The following RGS7 variants were observed in gnomAD, a reference collection of about 807,000 sequenced individuals.
RGS7 encodes the protein regulator of G-protein signaling 7.
Under a neutral mutation model 81.1 loss-of-function variants are expected in RGS7, and 27 were observed. The observed-to-expected ratio is 0.33, with a 90% CI of 0.25 to 0.46. The LOEUF is 0.46. Ranked by LOEUF, RGS7 falls within the 20% of genes least tolerant of loss-of-function variation. The pLI is 1.00. For synonymous variants in RGS7, 208 were observed against 207.7 expected, an observed-to-expected ratio of 1.00 and a Z score of -0.01; for missense variants, 396 against 607.4, an observed-to-expected ratio of 0.65 and a Z score of 3.66.
intron 2 of RGS7, among the ~76,000 whole-genome samples, chr1:241,253,711 T>C (rs976878015): frequency 2.6e-5 from 4 of 152,222 alleles, no homozygotes; most frequent in Non-Finnish European, 5.9e-5. Flanking sequence ...TGCATGGGCT[T>C]GAGAACAATG....
At chr1:241,051,510 C>CT (rs1251698941) in intron 3 of RGS7, among the ~76,000 whole-genome samples, 1 of 152,090 alleles carries the variant, frequency 6.6e-6, no homozygotes, top group African/African-American at 2.4e-5. Flanking sequence ...TTTGCCTTGA[C>CT]TTCTTTATTT....
chr1:241,148,776 A>C (rs761331742), intron 2 of RGS7, among the ~76,000 whole-genome samples: 8 of 152,232 alleles, frequency 5.3e-5, no homozygotes, highest in Admixed American at 3.3e-4. Context: ...AGAATATACT[A>C]TTTGTCATAT....
chr1:241,039,831 G>A (rs1253387669), intron 3 of RGS7, among the ~76,000 whole-genome samples: 1 of 152,118 alleles, frequency 6.6e-6, no homozygotes, highest in South Asian at 2.1e-4. Context: ...TCTATGAATC[G>A]CCACTTGGAG....
intron 6 of RGS7, among the ~76,000 whole-genome samples, chr1:240,928,304 T>C (rs1344082475): frequency 6.6e-6 from 1 of 152,230 alleles, no homozygotes; most frequent in Non-Finnish European, 1.5e-5. Flanking sequence ...TTTTCTGCTC[T>C]GTTCTTTGGT....
chr1:240,884,044 C>T (rs1666897023), intron 6 of RGS7, among the ~76,000 whole-genome samples: 1 of 136,874 alleles, frequency 7.3e-6, no homozygotes, highest in South Asian at 2.4e-4. Context: ...CCATTGCACT[C>T]CAGCCTGGGC....
intron 4 of RGS7, among the ~76,000 whole-genome samples, chr1:240,975,544 T>G (rs1163689371): frequency 6.6e-6 from 1 of 152,180 alleles, no homozygotes; most frequent in African/African-American, 2.4e-5. Context: ...CTGGTCAGCA[T>G]CACTAGATGA....
intron 3 of RGS7, among the ~76,000 whole-genome samples, chr1:241,002,453 C>A (rs1688290964): frequency 1.4e-5 from 2 of 145,718 alleles, no homozygotes; most frequent in African/African-American, 5.1e-5. Context: ...AACTCTGTCT[C>A]AAAAAAAAAA....
At chr1:241,317,372 T>C (rs1175826050) in intron 2 of RGS7, among the ~76,000 whole-genome samples, 2 of 152,186 alleles carry the variant, frequency 1.3e-5, no homozygotes, top group Non-Finnish European at 2.9e-5. Context: ...TCCTGTGAAA[T>C]ACTACAAGCC....
chr1:240,951,548 A>G (rs1558514671), intron 4 of RGS7, among the ~76,000 whole-genome samples: 1 of 152,212 alleles, frequency 6.6e-6, no homozygotes, highest in Non-Finnish European at 1.5e-5. Flanking sequence ...TAAGGAAAGA[A>G]TCAGTGAGCT....
chr1:240,849,320 G>T (rs1238208617), intron 9 of RGS7, among the ~76,000 whole-genome samples: 1 of 152,074 alleles, frequency 6.6e-6, no homozygotes, highest in South Asian at 2.1e-4. Context: ...GCCTGGCTTT[G>T]AGCAGCATCC....
At chr1:241,350,799 G>A (rs982164910) in intron 2 of RGS7, among the ~76,000 whole-genome samples, 38 of 148,622 alleles carry the variant, frequency 2.6e-4, no homozygotes, top group Admixed American at 2.1e-3. Context: ...CGGGGATTTC[G>A]GCGAGAAACA....
intron 9 of RGS7, among the ~76,000 whole-genome samples, chr1:240,857,318 C>T (rs563083371): frequency 2.6e-5 from 4 of 152,062 alleles, no homozygotes; most frequent in East Asian, 1.9e-4. Context: ...CCCCAAAGTC[C>T]CCTGTATTAT....
At chr1:241,299,901 G>A (rs576799449) in intron 2 of RGS7, among the ~76,000 whole-genome samples, 7 of 125,644 alleles carry the variant, frequency 5.6e-5, no homozygotes, top group South Asian at 2.6e-4. Context: ...CTTGAGTCCA[G>A]GAGCCTAGGT....
intron 2 of RGS7, among the ~76,000 whole-genome samples, chr1:241,122,668 A>AG (rs750691117): frequency 6.7e-6 from 1 of 149,774 alleles, no homozygotes; most frequent in African/African-American, 2.4e-5. Context: ...CATCACAAAA[A>AG]GAAAAAAAAA....
chr1:240,987,131 T>G (rs1376244183), intron 3 of RGS7, among the ~76,000 whole-genome samples: 1 of 152,094 alleles, frequency 6.6e-6, no homozygotes, highest in Non-Finnish European at 1.5e-5. Flanking sequence ...AAACTAAATC[T>G]GAATTAGAGG....
intron 6 of RGS7, among the ~76,000 whole-genome samples, chr1:240,871,935 G>C (rs2148037143): frequency 6.6e-6 from 1 of 152,192 alleles, no homozygotes; most frequent in African/African-American, 2.4e-5. Context: ...TATTGGTTTT[G>C]CCCATCTAAT....
At chr1:241,306,088 A>G (rs2080095912) in intron 2 of RGS7, among the ~76,000 whole-genome samples, 1 of 151,870 alleles carries the variant, frequency 6.6e-6, no homozygotes, top group Non-Finnish European at 1.5e-5. Flanking sequence ...ATATTTTCCA[A>G]GAAACCATGA....
At chr1:240,782,903 G>T (rs1424965950) in intron 18 of RGS7, among the ~76,000 whole-genome samples, 1 of 152,162 alleles carries the variant, frequency 6.6e-6, no homozygotes, top group Non-Finnish European at 1.5e-5. Context: ...CTTCCTGTCA[G>T]ATTCTAAAGG....
At chr1:240,964,030 A>C (rs962891275) in intron 4 of RGS7, among the ~76,000 whole-genome samples, 1 of 152,154 alleles carries the variant, frequency 6.6e-6, no homozygotes, top group Non-Finnish European at 1.5e-5. Context: ...AATAAAAATA[A>C]AAAGGGATGA....
Sources: gnomAD v4.1 joint callset for allele counts (sites outside exome capture counted in the v4.1 genomes callset) on GRCh38, gnomAD v4.1.1 for gene constraint, MANE v1.5 for transcripts, NCBI Gene and HGNC (gene_info 2026-07-23, HGNC 2026-07-21) for gene names.